The following ASB3 variants were observed in gnomAD, a reference collection of about 807,000 sequenced individuals.
ASB3 encodes the protein ankyrin repeat and SOCS box containing 3.
ASB3 carries 41 observed loss-of-function variants against 54.5 expected under a neutral mutation model. That is an observed-to-expected ratio of 0.75 (90% CI 0.59 to 0.98). The LOEUF (loss-of-function observed/expected upper bound fraction) is 0.98, where lower values mean the gene tolerates loss of function less well. Among genes scored for constraint, ASB3 ranks in the 50% least tolerant of loss-of-function variants. ASB3 has a pLI of 0.00. For missense variants in ASB3, 733 were observed against 620.0 expected (o/e 1.18, Z -1.94); for synonymous variants, 266 against 221.2 (o/e 1.20, Z -1.80).
At chr2:53,734,328 T>G (rs1335941367) in intron 3 of ASB3, among the ~76,000 whole-genome samples, 1 of 152,198 alleles carries the variant, frequency 6.6e-6, no homozygotes, top group East Asian at 1.9e-4. Flanking sequence ...TAGTTTAGGT[T>G]TTCCTTTCCC....
Position 53,700,504 on chromosome 2 carries a change from G to C in ASB3, c.1005C>G (p.Asn335Lys), listed in dbSNP as rs759977344. The C allele has an allele frequency of 9.3e-6, 15 of 1,611,708 alleles. No individual in the cohort carries two copies. The highest frequency in any genetic ancestry group is 1.3e-5 in the Non-Finnish European group (15 of 1,179,178). The change falls in exon 8 of 10, where the codon AAC becomes AAG. Residue 335 changes from asparagine to lysine, a missense_variant. Physicochemically the swap from Asn to Lys is moderately conservative, Grantham distance 94 (BLOSUM62 0). Transcript: ENST00000263634. ...QKDCEFFGIV[N>K]ILLKYGAQIN... ...TCTGGGCTCCATATTTCAAAAGAAT[G>C]TTCACAATTCCAAAGAACTCACAGC...
chr2:53,737,886 A>G (rs909754191), intron 3 of ASB3, among the ~76,000 whole-genome samples: 7 of 152,214 alleles, frequency 4.6e-5, no homozygotes, highest in African/African-American at 1.4e-4. Context: ...ACACTGTCCT[A>G]TTTACTCAAT....
At chr2:53,765,032 G>C (rs114796944) in intron 2 of ASB3, among the ~76,000 whole-genome samples, 1 of 152,180 alleles carries the variant, frequency 6.6e-6, no homozygotes, top group Non-Finnish European at 1.5e-5. Flanking sequence ...CTCAATTTCA[G>C]TACAATTGCT....
chr2:53,698,153 C>G (rs1004772743), intron 8 of ASB3, among the ~76,000 whole-genome samples: 1 of 152,284 alleles, frequency 6.6e-6, no homozygotes, highest in Non-Finnish European at 1.5e-5. Context: ...TCCATGCCCC[C>G]ACAGCTCTTG....
intron 1 of ASB3, among the ~76,000 whole-genome samples, chr2:53,775,881 CTT>C (rs1212312424): frequency 1.3e-5 from 2 of 152,114 alleles, no homozygotes; most frequent in Non-Finnish European, 2.9e-5. Flanking sequence ...TTGTACGTAA[CTT>C]TTTTCTTTAT....
intron 9 of ASB3, among the ~76,000 whole-genome samples, chr2:53,688,933 G>GA (rs542692204): frequency 1.9e-4 from 28 of 145,652 alleles, no homozygotes; most frequent in Non-Finnish European, 3.8e-4. Flanking sequence ...TAAAGTGTAA[G>GA]AAAAAAAAAA....
intron 2 of ASB3, chr2:53,763,555 T>G (rs925529672): frequency 1.2e-5 from 2 of 169,344 alleles, no homozygotes; most frequent in Non-Finnish European, 2.9e-5. Flanking sequence ...TCCATGAATT[T>G]TGGTGTCCGT....
intron 7 of ASB3, among the ~76,000 whole-genome samples, chr2:53,710,636 GC>G (rs1481952921): frequency 6.6e-6 from 1 of 152,188 alleles, no homozygotes; most frequent in Admixed American, 6.5e-5. Context: ...AAGAACACTA[GC>G]TTTTTGGTTT....
At chr2:53,689,247 C>T (rs1386714528) in intron 9 of ASB3, among the ~76,000 whole-genome samples, 2 of 151,876 alleles carry the variant, frequency 1.3e-5, no homozygotes, top group African/African-American at 4.8e-5. Flanking sequence ...TATATTCTGT[C>T]TGCTGTTCAT....
At chr2:53,777,064 T>G (rs1417354440) in intron 1 of ASB3, among the ~76,000 whole-genome samples, 2 of 152,208 alleles carry the variant, frequency 1.3e-5, no homozygotes, top group African/African-American at 2.4e-5. Flanking sequence ...TTTTCTTGGT[T>G]GTTTTACTTA....
chr2:53,703,391 A>G (rs1487657281), intron 7 of ASB3, among the ~76,000 whole-genome samples: 4 of 152,212 alleles, frequency 2.6e-5, no homozygotes, highest in South Asian at 2.1e-4. Flanking sequence ...TCTCACAAAG[A>G]ATACCTACCA....
chr2:53,705,080 A>G lies in ASB3; in HGVS notation c.981-4552T>C, dbSNP rs76438539. Among the ~76,000 whole-genome samples the G allele has an allele frequency of 2.5e-3, 375 of 152,300 alleles. 4 individuals are homozygous for G. Among genetic ancestry groups the G allele is most frequent in the African/African-American group, 8.8e-3 (366 of 41,574 alleles). On this transcript the variant is annotated intron_variant, in intron 7 of 9. Transcript: ENST00000263634. ...TCAAATTCTACGTCTCTTTGACCTT[A>G]AAGTTTGCTATGTTCTATTTTATAG...
At chr2:53,718,365 G>C (rs1439886091) in intron 5 of ASB3, among the ~76,000 whole-genome samples, 1 of 152,154 alleles carries the variant, frequency 6.6e-6, no homozygotes, top group Non-Finnish European at 1.5e-5. Flanking sequence ...TCTATTTTCA[G>C]CATTCTTAAA....
intron 9 of ASB3, among the ~76,000 whole-genome samples, chr2:53,684,437 G>C (rs746351606): frequency 6.6e-6 from 1 of 152,090 alleles, no homozygotes; most frequent in African/African-American, 2.4e-5. Context: ...ATGAATAAAG[G>C]AGATTACCAG....
intron 9 of ASB3, among the ~76,000 whole-genome samples, chr2:53,681,964 C>T (rs1668394770): frequency 6.6e-6 from 1 of 151,822 alleles, no homozygotes; most frequent in Admixed American, 6.6e-5. Flanking sequence ...TCGAGACCAG[C>T]CTGGCCAATA....
At chr2:53,680,285 G>C (rs1668299505) in intron 9 of ASB3, among the ~76,000 whole-genome samples, 1 of 152,216 alleles carries the variant, frequency 6.6e-6, no homozygotes, top group Non-Finnish European at 1.5e-5. Flanking sequence ...GGATCGAACA[G>C]TATGTCTGCT....
chr2:53,680,826 A>T (rs1353233576), intron 9 of ASB3, among the ~76,000 whole-genome samples: 2 of 152,088 alleles, frequency 1.3e-5, no homozygotes, highest in Non-Finnish European at 2.9e-5. Flanking sequence ...ATTCATTCTA[A>T]CTATATTTTT....
rs368902270 is a variant in ASB3, at chr2:53,748,812, CTT to C, written c.355+1969_355+1970del. Among the ~76,000 whole-genome samples, 651 of 152,210 alleles carry C rather than the reference CTT, an allele frequency of 4.3e-3. 7 individuals carry two copies. The highest frequency in any genetic ancestry group is 0.015 in the African/African-American group (623 of 41,558). On this transcript the variant is annotated intron_variant, in intron 3 of 9. Coordinates refer to ENST00000263634, the MANE Select transcript of ASB3 (RefSeq NM_016115.5). ...TCTTGGATTCATCACGGACCAAAAT[CTT>C]TTTTTCTGTTGCTATAAAAGACATT...
chr2:53,752,605 T>G (rs1409566573), intron 2 of ASB3, among the ~76,000 whole-genome samples: 2 of 152,258 alleles, frequency 1.3e-5, no homozygotes, highest in African/African-American at 4.8e-5. Flanking sequence ...CCCATGGGCA[T>G]GTTTAGGCAA....
Sources: gnomAD v4.1 joint callset for allele counts (sites outside exome capture counted in the v4.1 genomes callset) on GRCh38, gnomAD v4.1.1 for gene constraint, MANE v1.5 for transcripts, NCBI Gene and HGNC (gene_info 2026-07-23, HGNC 2026-07-21) for gene names.